The following DGKB variants were observed in gnomAD, a reference collection of about 807,000 sequenced individuals.
The protein encoded by DGKB is diacylglycerol kinase beta.
A neutral mutation model predicts 114.3 loss-of-function variants in DGKB; 67 were observed. The ratio of observed to expected loss-of-function variants is 0.59; its 90% confidence interval spans 0.48 to 0.72. The LOEUF (loss-of-function observed/expected upper bound fraction) is 0.72, where lower values mean the gene tolerates loss of function less well. Ranked by LOEUF, DGKB falls within the 30% of genes least tolerant of loss-of-function variation. The probability of loss-of-function intolerance (pLI) is 0.00; values close to 1 mark genes in which losing one functional copy is unlikely to be tolerated. For synonymous variants in DGKB, 398 were observed against 323.1 expected (o/e 1.23, Z -2.49); for missense variants, 907 against 975.2 (o/e 0.93, Z 0.93).
intron 21 of DGKB, among the ~76,000 whole-genome samples, chr7:14,449,288 C>T (rs941949953): frequency 1.3e-5 from 2 of 151,978 alleles, no homozygotes; most frequent in African/African-American, 4.8e-5. Flanking sequence ...TATGGTTTGT[C>T]ATGTTCTGTT....
chr7:14,289,382 C>T (rs1243437601), intron 23 of DGKB, among the ~76,000 whole-genome samples: 1 of 152,094 alleles, frequency 6.6e-6, no homozygotes, highest in Non-Finnish European at 1.5e-5. Flanking sequence ...TATTTAAAGA[C>T]ATTTCACAAA....
intron 2 of DGKB, among the ~76,000 whole-genome samples, chr7:14,797,141 T>C (rs1332853325): frequency 5.9e-5 from 9 of 152,204 alleles, no homozygotes; most frequent in Non-Finnish European, 1.3e-4. Flanking sequence ...ATGTTTTTCA[T>C]GATCTTTTTG....
chr7:14,792,113 A>C (rs984625013), intron 2 of DGKB, among the ~76,000 whole-genome samples: 1 of 152,108 alleles, frequency 6.6e-6, no homozygotes, highest in Non-Finnish European at 1.5e-5. Context: ...TTTTTGGAAG[A>C]TATTAAATTA....
chr7:14,398,937 C>T (rs184835288), intron 21 of DGKB, among the ~76,000 whole-genome samples: 3 of 151,926 alleles, frequency 2.0e-5, no homozygotes, highest in African/African-American at 4.8e-5. Flanking sequence ...CGAATGCAAC[C>T]CCAACAAGTT....
chr7:14,495,350 G>GCT (rs1785151234), intron 20 of DGKB, among the ~76,000 whole-genome samples: 1 of 151,696 alleles, frequency 6.6e-6, no homozygotes, highest in Non-Finnish European at 1.5e-5. Context: ...AAATATTTAT[G>GCT]CTTTTAGAAA....
At chr7:14,834,259 C>A (rs117578577) in intron 2 of DGKB, among the ~76,000 whole-genome samples, 18 of 152,176 alleles carry the variant, frequency 1.2e-4, no homozygotes, top group Non-Finnish European at 1.9e-4. Context: ...TTATTATCTT[C>A]AGTATAAACT....
At chr7:14,957,098 GT>G (rs1397634311) in intron 1 of DGKB, among the ~76,000 whole-genome samples, 1 of 151,734 alleles carries the variant, frequency 6.6e-6, no homozygotes, top group Admixed American at 6.6e-5. Context: ...AAAATTTTCT[GT>G]TTCAAAGTTT....
At chr7:14,520,226 T>TTTTG (rs71004309) in intron 20 of DGKB, among the ~76,000 whole-genome samples, 40 of 150,080 alleles carry the variant, frequency 2.7e-4, no homozygotes, top group Non-Finnish European at 5.2e-4. Flanking sequence ...TTTTTTTTTT[T>TTTTG]GCAGGAGGCA....
At chr7:14,451,978 T>C (rs1267798317) in intron 21 of DGKB, among the ~76,000 whole-genome samples, 1 of 152,142 alleles carries the variant, frequency 6.6e-6, no homozygotes, top group East Asian at 1.9e-4. Flanking sequence ...AACATATTCC[T>C]AATCTGAAGC....
At chr7:14,824,195 C>T (rs1010211935) in intron 2 of DGKB, among the ~76,000 whole-genome samples, 10 of 152,134 alleles carry the variant, frequency 6.6e-5, no homozygotes, top group African/African-American at 1.9e-4. Flanking sequence ...ATGGTAACTA[C>T]GGCAGCTACA....
chr7:14,350,181 T>A (rs1813189261), intron 21 of DGKB, among the ~76,000 whole-genome samples: 1 of 152,166 alleles, frequency 6.6e-6, no homozygotes, highest in Non-Finnish European at 1.5e-5. Context: ...TTCTTTTACG[T>A]ATCCTGAGTA....
At chr7:14,546,341 A>G (rs1463684115) in intron 20 of DGKB, among the ~76,000 whole-genome samples, 1 of 152,134 alleles carries the variant, frequency 6.6e-6, no homozygotes, top group Non-Finnish European at 1.5e-5. Flanking sequence ...ACTATGCAGA[A>G]CATATTCCCT....
chr7:14,318,784 T>C (rs1320728341), intron 23 of DGKB, among the ~76,000 whole-genome samples: 1 of 152,168 alleles, frequency 6.6e-6, no homozygotes, highest in Admixed American at 6.5e-5. Flanking sequence ...ATCCCATTAC[T>C]GGGTATATAC....
chr7:14,892,346 T>G (rs184350558), intron 1 of DGKB, among the ~76,000 whole-genome samples: 1 of 151,300 alleles, frequency 6.6e-6, no homozygotes, highest in Admixed American at 6.6e-5. Context: ...ACCTATGTAC[T>G]CTAACCAATC....
At chr7:14,935,397 T>C (rs980480727) in intron 1 of DGKB, among the ~76,000 whole-genome samples, 1 of 152,118 alleles carries the variant, frequency 6.6e-6, no homozygotes, top group Non-Finnish European at 1.5e-5. Flanking sequence ...TTGTTTTTAA[T>C]TAAAATATCC....
intron 17 of DGKB, among the ~76,000 whole-genome samples, chr7:14,594,069 T>G (rs1289494566): frequency 6.6e-6 from 1 of 152,116 alleles, no homozygotes; most frequent in Non-Finnish European, 1.5e-5. Flanking sequence ...GTTACCCAAT[T>G]CTAGAATTGC....
At chr7:14,736,931 G>A (rs188650261) in intron 4 of DGKB, among the ~76,000 whole-genome samples, 33 of 152,322 alleles carry the variant, frequency 2.2e-4, no homozygotes, top group Admixed American at 1.8e-3. Context: ...GAGCCATAGT[G>A]AAGAGCTTGG....
chr7:14,698,023 G>GAAAGA, intron 8 of DGKB, 72 bp downstream of exon 8: 1 of 798,316 alleles, frequency 1.3e-6, no homozygotes. Context: ...GAAAGAGAAA[G>GAAAGA]AAAGAAAGAA....
chr7:14,761,023 C>T (rs898309749), intron 2 of DGKB, among the ~76,000 whole-genome samples: 1 of 152,144 alleles, frequency 6.6e-6, no homozygotes, highest in Non-Finnish European at 1.5e-5. Flanking sequence ...ATTTAAAGTG[C>T]TCTAGTTGAT....
Sources: allele counts gnomAD v4.1 joint callset (sites outside exome capture counted in the v4.1 genomes callset), GRCh38; gene constraint gnomAD v4.1.1; transcripts MANE v1.5; gene names NCBI Gene and HGNC (gene_info 2026-07-23, HGNC 2026-07-21).